Variants in ELMOD3 observed in about 807,000 individuals in gnomAD.
ELMOD3 encodes ELMO domain containing 3.
ELMOD3 carries 36 observed loss-of-function variants against 47.4 expected under a neutral mutation model. The ratio of observed to expected loss-of-function variants is 0.76; its 90% CI spans 0.58 to 1.00. The LOEUF (loss-of-function observed/expected upper bound fraction) is 1.00, where lower values mean the gene tolerates loss of function less well. ELMOD3 is among the 50% of genes least tolerant of loss of function. The pLI is 0.00. For synonymous variants in ELMOD3, 149 were observed against 183.5 expected, an observed-to-expected ratio of 0.81 and a Z score of 1.52; for missense variants, 404 against 463.8, an observed-to-expected ratio of 0.87 and a Z score of 1.18.
intron 10 of ELMOD3, 98 bp downstream of exon 10, chr2:85,371,660 G>C: frequency 6.6e-7 from 1 of 1,523,112 alleles, no homozygotes; most frequent in Admixed American, 1.9e-5. Flanking sequence ...TGAGGGGGAA[G>C]ATCTTGGGGG....
intron 10 of ELMOD3, among the ~76,000 whole-genome samples, chr2:85,374,318 T>C (rs919351474): frequency 6.6e-6 from 1 of 151,932 alleles, no homozygotes; most frequent in Non-Finnish European, 1.5e-5. Context: ...CTGGGCAACA[T>C]TATGAGAACC....
intron 11 of ELMOD3, among the ~76,000 whole-genome samples, chr2:85,382,930 C>G (rs1273111127): frequency 2.3e-5 from 3 of 131,378 alleles, no homozygotes; most frequent in African/African-American, 8.8e-5. Flanking sequence ...TCTACCATCC[C>G]AGAAGCAGGA....
Position 85,382,948 on chromosome 2 carries a change from A to C in ELMOD3, c.738+5474A>C, listed in dbSNP as rs1040971430. Among the ~76,000 whole-genome samples the C allele has an allele frequency of 5.0e-4, 66 of 133,106 alleles. 1 individual carries two copies. Among genetic ancestry groups the C allele is most frequent in the Admixed American group, 1.1e-3 (13 of 11,546 alleles). The allele number at this position is 133,106 out of a possible 152,430, so 87.3% of individuals were successfully genotyped here. ...ACCATCCCAGAAGCAGGAAAAAAAA[A>C]AAAAAACAAAAAAAACTCATCTTCC... On this transcript the variant is annotated intron_variant, in intron 11 of 13. Transcript: ENST00000409013.
At chr2:85,382,033 C>A (rs1357432423) in intron 11 of ELMOD3, among the ~76,000 whole-genome samples, 1 of 138,244 alleles carries the variant, frequency 7.2e-6, no homozygotes, top group Non-Finnish European at 1.5e-5. Flanking sequence ...AGGAGAATGG[C>A]GTGAACCCAG....
chr2:85,368,338 G>A lies in ELMOD3; in HGVS notation c.200-348G>A, dbSNP rs533312660. On this transcript the variant is annotated intron_variant, in intron 6 of 13. Transcript: ENST00000409013. ...AGGTACTCAGGAGGCTGAGGCAGGA[G>A]GATTGCTTGAGTCCAGGAATTCTGG... is the stretch of plus-strand genomic sequence containing the variant. The A allele has an allele frequency of 9.9e-4, 233 of 235,568 alleles. 4 individuals are homozygous for A. The South Asian group carries it at 0.014, about 15-fold the overall frequency. The allele number at this position is 235,568 out of a possible 1,614,324, so 14.6% of individuals were successfully genotyped here. A position where few individuals can be genotyped will look rare whatever the true frequency, so the allele number is the denominator to read the frequency against.
intron 4 of ELMOD3, among the ~76,000 whole-genome samples, chr2:85,359,353 CTT>C (rs1231946103): frequency 6.7e-6 from 1 of 149,062 alleles, no homozygotes; most frequent in African/African-American, 2.5e-5. Flanking sequence ...TGTTATCAGA[CTT>C]TTTGATCTTT....
At chr2:85,357,834 G>T (rs1044956468) in intron 4 of ELMOD3, among the ~76,000 whole-genome samples, 3 of 152,170 alleles carry the variant, frequency 2.0e-5, no homozygotes, top group African/African-American at 7.2e-5. Flanking sequence ...GAGAAGGAAA[G>T]GAAGGATGAA....
At chr2:85,362,143 G>A in intron 4 of ELMOD3, 43 bp from the exon 5 acceptor site, 3 of 1,142,552 alleles carry the variant, frequency 2.6e-6, no homozygotes, top group African/African-American at 3.0e-5. Flanking sequence ...ATCTTTGGGG[G>A]ATTAATATGT....
intron 11 of ELMOD3, among the ~76,000 whole-genome samples, chr2:85,380,436 A>G (rs1427150436): frequency 6.6e-6 from 1 of 152,214 alleles, no homozygotes; most frequent in Non-Finnish European, 1.5e-5. Flanking sequence ...TGAGTCTGAA[A>G]GTTTTTCCTC....
In ELMOD3 at chr2:85,363,173, T is replaced by G; in HGVS notation, c.199+7T>G. On this transcript the variant is annotated splice_region_variant and intron_variant, in intron 6 of 13. Transcript: ENST00000409013. ...TATGAATGGGAGCCACGTGGTAAGG[T>G]TCCCTTCAGGGCCCTTGGAGTCTGG... The G allele has an allele frequency of 6.3e-7, 1 of 1,582,508 alleles. No homozygotes were observed. The highest frequency in any genetic ancestry group is 1.3e-5 in the African/African-American group (1 of 74,206).
At position 85,368,690 on chromosome 2, in the gene ELMOD3, G is replaced by C. The variant is rs1684573729; in HGVS notation, c.204G>C (p.Val68=). The C allele has an allele frequency of 6.2e-7, 1 of 1,614,044 alleles. No individual in the cohort carries two copies. The change falls in exon 7 of 14, where the codon GTG becomes GTC. Residue 68 remains valine, a synonymous_variant. Transcript: ENST00000409013. ...TEAYEWEPRV[V]STEVVRAQEE... ...CCTTTTCTCCTACTATTGCAGTTGT[G>C]AGTACAGAGGTGGTCAGAGCCCAAG...
rs78967493 is a variant in ELMOD3, at chr2:85,358,985, T to G, written c.54+1733T>G. Among the ~76,000 whole-genome samples, 651 of 152,356 alleles carry G rather than the reference T, an allele frequency of 4.3e-3. 13 individuals are homozygous for G. In the East Asian group the frequency reaches 0.062, roughly 15 times the overall value. ...AGACTCTGTCCTTTGCTTTTTCACT[T>G]AATACATCACGGAAATTGTCCCATA... On this transcript the variant is annotated intron_variant, in intron 4 of 13. Coordinates refer to ENST00000409013, the MANE Select transcript of ELMOD3 (RefSeq NM_001135022.2).
In ELMOD3 at chr2:85,369,810, G is replaced by A; in HGVS notation, c.340G>A (p.Val114Met). ...TGAGGCCCTGCAGCACTTCCAGACT[G>A]TGGACCTTTCCCCCTTCAAGGTATG... is the stretch of plus-strand genomic sequence containing the variant. ...FSEALQHFQT[V>M]DLSPFKKRIQ... Residue 114 changes from valine (V) to methionine (M), a missense_variant, in exon 8 of 14, where the codon GTG (valine) becomes ATG (methionine). Val to Met is a conservative substitution (Grantham distance 21). Coordinates refer to ENST00000409013, the MANE Select transcript of ELMOD3 (RefSeq NM_001135022.2). The A allele has an allele frequency of 5.0e-6, 8 of 1,614,082 alleles. No homozygotes were observed. The highest frequency in any genetic ancestry group is 5.9e-6 in the Non-Finnish European group (7 of 1,179,966).
chr2:85,368,676 A>G lies in ELMOD3; in HGVS notation c.200-10A>G. The G allele has an allele frequency of 6.2e-7, 1 of 1,613,862 alleles. No individual in the cohort carries two copies. Among genetic ancestry groups the G allele is most frequent in the Non-Finnish European group, 8.5e-7 (1 of 1,179,896 alleles). Reference sequence around the variant, plus strand: ...ATCTCAGAGGGTCTCCTTTTCTCCTACTATTGCAGTTGTGAGTACAGAGGT... The same window carrying G: ...ATCTCAGAGGGTCTCCTTTTCTCCTGCTATTGCAGTTGTGAGTACAGAGGT... On this transcript the variant is annotated splice_polypyrimidine_tract_variant and intron_variant, in intron 6 of 13. Coordinates refer to ENST00000409013, the MANE Select transcript of ELMOD3 (RefSeq NM_001135022.2).
chr2:85,370,791 T>C (rs1177696917), intron 8 of ELMOD3, among the ~76,000 whole-genome samples: 1 of 151,954 alleles, frequency 6.6e-6, no homozygotes, highest in Non-Finnish European at 1.5e-5. Flanking sequence ...CCTGTGGGAG[T>C]CAGTGGAATA....
At chr2:85,369,870 C>T in intron 8 of ELMOD3, 40 bp downstream of exon 8, 2 of 1,608,382 alleles carry the variant, frequency 1.2e-6, no homozygotes, top group South Asian at 2.2e-5. Flanking sequence ...AGCAAAGTGC[C>T]TTTTCCCTAG....
intron 11 of ELMOD3, among the ~76,000 whole-genome samples, chr2:85,387,686 A>C (rs1012777327): frequency 6.6e-6 from 1 of 151,202 alleles, no homozygotes; most frequent in Non-Finnish European, 1.5e-5. Flanking sequence ...AAAAAAAAAA[A>C]ATCTGTCTCT....
rs372568664 is a variant in ELMOD3 at position 85,382,859 on chromosome 2, C to T, written c.738+5385C>T. On this transcript the variant is annotated intron_variant, in intron 11 of 13. Transcript: ENST00000409013. The stretch of plus-strand genomic sequence containing the variant: ...ACAGAAAGATACACGGATGTAATAA[C>T]CTTAATTTAAAAACAAGACAATTCA... 2.0e-5 allele frequency among the ~76,000 whole-genome samples: 3 copies of T among 151,096 alleles called. No homozygotes were observed. In the East Asian group the frequency reaches 5.9e-4, roughly 29 times the overall value.
In ELMOD3 at chr2:85,382,939, G is replaced by GA. The variant is rs58812415; in HGVS notation, c.738+5480dup. ...GTAGACTCTACCATCCCAGAAGCAG[G>GA]AAAAAAAAAAAAAAACAAAAAAAAC... On this transcript the variant is annotated intron_variant, in intron 11 of 13. Transcript: ENST00000409013. Among the ~76,000 whole-genome samples the GA allele has an allele frequency of 8.0e-3, 943 of 118,566 alleles. 4 individuals are homozygous for GA. The highest frequency in any genetic ancestry group is 0.01 in the Admixed American group (109 of 10,762). 77.8% of individuals were successfully genotyped at this position (118,566 alleles called of 152,430 possible).
Sources: gnomAD v4.1 joint callset for allele counts (sites outside exome capture counted in the v4.1 genomes callset) on GRCh38, gnomAD v4.1.1 for gene constraint, MANE v1.5 for transcripts, NCBI Gene and HGNC (gene_info 2026-07-23, HGNC 2026-07-21) for gene names.